MTHFD1L: variants seen among roughly 807,000 people sequenced by gnomAD.
The protein encoded by MTHFD1L is monofunctional C1-tetrahydrofolate synthase, mitochondrial.
MTHFD1L carries 81 observed loss-of-function variants against 119.5 expected under a neutral mutation model. That is an observed-to-expected ratio of 0.68 (90% CI 0.57 to 0.82). The LOEUF (loss-of-function observed/expected upper bound fraction) is 0.82, where lower values mean the gene tolerates loss of function less well. Among genes scored for constraint, MTHFD1L ranks in the 40% least tolerant of loss-of-function variants. MTHFD1L has a pLI of 0.00. For synonymous variants in MTHFD1L, 430 were observed against 475.2 expected (o/e 0.90, Z 1.24); for missense variants, 1,125 against 1,253.4 (o/e 0.90, Z 1.55).
chr6:151,091,434 G>A (rs1387853098), intron 26 of MTHFD1L, among the ~76,000 whole-genome samples: 1 of 152,132 alleles, frequency 6.6e-6, no homozygotes, highest in Non-Finnish European at 1.5e-5. Context: ...CCGTCAAGGG[G>A]GCCAGCATCA....
chr6:151,086,965 G>A (rs915771415), intron 26 of MTHFD1L, among the ~76,000 whole-genome samples: 7 of 151,932 alleles, frequency 4.6e-5, no homozygotes, highest in Non-Finnish European at 7.4e-5. Context: ...AAATTGTATC[G>A]TCAGCCAGGC....
At chr6:150,945,370 G>A (rs920740798) in intron 14 of MTHFD1L, 97 bp from the exon 15 acceptor site, 4 of 935,612 alleles carry the variant, frequency 4.3e-6, no homozygotes, top group African/African-American at 1.7e-5. Context: ...AAATAGTTCG[G>A]TTATAAATGC....
At chr6:150,881,175 T>C (rs1250476458) in intron 4 of MTHFD1L, among the ~76,000 whole-genome samples, 3 of 152,226 alleles carry the variant, frequency 2.0e-5, no homozygotes, top group African/African-American at 7.2e-5. Flanking sequence ...ACCAATGTCA[T>C]GAAGCATTTC....
At chr6:150,899,950 C>T (rs1784849309) in intron 7 of MTHFD1L, among the ~76,000 whole-genome samples, 1 of 149,854 alleles carries the variant, frequency 6.7e-6, no homozygotes, top group Non-Finnish European at 1.5e-5. Context: ...CAGCCTGGGC[C>T]ACAGAGTGAG....
intron 24 of MTHFD1L, among the ~76,000 whole-genome samples, chr6:151,031,773 GA>G (rs2128525015): frequency 6.6e-6 from 1 of 152,226 alleles, no homozygotes; most frequent in East Asian, 1.9e-4. Context: ...CTCTACTTCA[GA>G]ATAATAGAGT....
intron 10 of MTHFD1L, among the ~76,000 whole-genome samples, chr6:150,925,005 G>A (rs918275412): frequency 3.9e-4 from 60 of 152,248 alleles, no homozygotes; most frequent in African/African-American, 1.4e-3. Flanking sequence ...AGGTGTGTTT[G>A]CTGTTGCCTC....
At chr6:150,917,051 A>G (rs1385071443) in intron 8 of MTHFD1L, among the ~76,000 whole-genome samples, 1 of 149,770 alleles carries the variant, frequency 6.7e-6, no homozygotes, top group East Asian at 2.1e-4. Flanking sequence ...GTGAGCCACC[A>G]TGCCTGGCCG....
intron 26 of MTHFD1L, among the ~76,000 whole-genome samples, chr6:151,068,993 A>AT: frequency 6.6e-6 from 1 of 152,220 alleles, no homozygotes; most frequent in South Asian, 2.1e-4. Flanking sequence ...GTTTCATTAC[A>AT]TTTTTGGAAA....
At chr6:150,871,203 A>C (rs1242273932) in intron 1 of MTHFD1L, among the ~76,000 whole-genome samples, 1 of 147,350 alleles carries the variant, frequency 6.8e-6, no homozygotes, top group Non-Finnish European at 1.5e-5. Flanking sequence ...AAAATACTTT[A>C]TTACCAAGAA....
rs79852829 is a variant in MTHFD1L at position 151,073,583 on chromosome 6, T to A, written c.2848-18884T>A. The stretch of plus-strand genomic sequence containing the variant: ...AGTTGTTGTGACTGTAGTTTGCATG[T>A]TTAAGAAACTAGAAGAAGGATTTAA... On this transcript the variant is annotated intron_variant, in intron 26 of 27. Coordinates refer to ENST00000367321, the MANE Select transcript of MTHFD1L (RefSeq NM_015440.5). Among the ~76,000 whole-genome samples, 729 of 152,176 alleles carry A rather than the reference T, an allele frequency of 4.8e-3. 12 individuals are homozygous for A. Among genetic ancestry groups the A allele is most frequent in the East Asian group, 0.017 (90 of 5,176 alleles).
chr6:150,871,685 G>C (rs1234820755), intron 1 of MTHFD1L, among the ~76,000 whole-genome samples: 1 of 150,628 alleles, frequency 6.6e-6, no homozygotes, highest in Non-Finnish European at 1.5e-5. Flanking sequence ...TGTATTTTTA[G>C]TAGAAACGGG....
intron 8 of MTHFD1L, among the ~76,000 whole-genome samples, chr6:150,908,065 T>A (rs890209879): frequency 2.4e-5 from 3 of 123,054 alleles, no homozygotes; most frequent in African/African-American, 1.2e-4. Context: ...GCCTGGCCAA[T>A]TTTTTTTTTT....
intron 11 of MTHFD1L, among the ~76,000 whole-genome samples, chr6:150,932,816 G>GAGGAAGGAAGGAAAAA (rs769300755): frequency 1.7e-5 from 2 of 119,484 alleles, no homozygotes; most frequent in Admixed American, 1.6e-4. Flanking sequence ...GAGAGGGAGG[G>GAGGAAGGAAGGAAAAA]AGGAAGGAAG....
chr6:150,957,840 C>A (rs141864734), intron 17 of MTHFD1L, among the ~76,000 whole-genome samples: 1 of 149,258 alleles, frequency 6.7e-6, no homozygotes, highest in Admixed American at 6.7e-5. Context: ...TAGGCACTTA[C>A]AACTTATTTG....
At position 151,009,886 on chromosome 6, in the gene MTHFD1L, C is replaced by T. The variant is rs747201948; in HGVS notation, c.2193C>T (p.Ser731=). The T allele has an allele frequency of 5.0e-6, 8 of 1,613,560 alleles. No individual in the cohort carries two copies. Among genetic ancestry groups the T allele is most frequent in the Non-Finnish European group, 5.9e-6 (7 of 1,179,866 alleles). The change falls in exon 21 of 28, where the codon TCC becomes TCT. Residue 731 remains serine (S), a synonymous_variant. Transcript: ENST00000367321. ...TCTTCAACATCAAGTGCCGAGCTTC[C>T]GGCTTGGTGCCCAACGTGGTTGTGT... ...EKFFNIKCRA[S]GLVPNVVVLV... is the part of the protein sequence containing the mutation.
At position 150,884,289 on chromosome 6, in the gene MTHFD1L, C is replaced by G. The variant is rs563869180; in HGVS notation, c.543-1345C>G. 1.1e-3 allele frequency among the ~76,000 whole-genome samples: 162 copies of G among 151,816 alleles called. 1 individual carries two copies. Among genetic ancestry groups the G allele is most frequent in the African/African-American group, 3.8e-3 (158 of 41,404 alleles). On this transcript the variant is annotated intron_variant, in intron 5 of 27. Coordinates refer to ENST00000367321, the MANE Select transcript of MTHFD1L (RefSeq NM_015440.5). ...CCCGAGTAGCTGGGACTACAGGTGC[C>G]CACCACCACACCTGGCTAATTTTTG...
intron 20 of MTHFD1L, chr6:150,985,317 G>A (rs1415424355): frequency 1.3e-5 from 2 of 152,098 alleles, no homozygotes; most frequent in African/African-American, 4.8e-5. Flanking sequence ...CTTGTACAAA[G>A]GTGTCTGGGA....
chr6:151,012,997 A>G (rs187906020), intron 21 of MTHFD1L, among the ~76,000 whole-genome samples: 4 of 152,272 alleles, frequency 2.6e-5, no homozygotes, highest in African/African-American at 9.6e-5. Flanking sequence ...TTCCATATCA[A>G]TTTCATCATA....
At chr6:150,879,494 G>C (rs1277559936) in intron 4 of MTHFD1L, among the ~76,000 whole-genome samples, 1 of 151,624 alleles carries the variant, frequency 6.6e-6, no homozygotes, top group African/African-American at 2.4e-5. Context: ...TCATCATGTT[G>C]ACCAGGCTGG....
Sources: gnomAD v4.1 joint callset for allele counts (sites outside exome capture counted in the v4.1 genomes callset) on GRCh38, gnomAD v4.1.1 for gene constraint, MANE v1.5 for transcripts, NCBI Gene and HGNC (gene_info 2026-07-23, HGNC 2026-07-21) for gene names.